Variants in TMEM117 observed in about 807,000 individuals in gnomAD.
The protein encoded by TMEM117 is transmembrane protein 117.
Under a neutral mutation model 52.4 loss-of-function variants are expected in TMEM117, and 27 were observed. The ratio of observed to expected loss-of-function variants is 0.51; its 90% CI spans 0.38 to 0.71. The LOEUF is 0.71. TMEM117 is among the 30% of genes least tolerant of loss of function. The probability of loss-of-function intolerance (pLI) is 0.00; values close to 1 mark genes in which losing one functional copy is unlikely to be tolerated. For synonymous variants in TMEM117, 215 were observed against 206.3 expected (o/e 1.04, Z -0.36); for missense variants, 556 against 630.5 (o/e 0.88, Z 1.26).
intron 2 of TMEM117, among the ~76,000 whole-genome samples, chr12:43,885,205 T>C (rs553045551): frequency 6.6e-6 from 1 of 152,232 alleles, no homozygotes; most frequent in South Asian, 2.1e-4. Context: ...CTGACCTCTT[T>C]TGGTGTGAAC....
At chr12:43,943,859 C>T (rs10880599) in intron 2 of TMEM117, among the ~76,000 whole-genome samples, 26,535 of 152,116 alleles carry the variant, frequency 0.17, 3,515 homozygotes, top group African/African-American at 0.36. Flanking sequence ...CTTTACTGTT[C>T]GCTATGAACC....
chr12:44,257,064 A>G (rs1950268096), intron 5 of TMEM117, among the ~76,000 whole-genome samples: 2 of 149,464 alleles, frequency 1.3e-5, no homozygotes, highest in Non-Finnish European at 3.0e-5. Flanking sequence ...TATCTATTGC[A>G]TACTAGATGT....
At chr12:44,381,185 A>G (rs1338266639) in intron 7 of TMEM117, among the ~76,000 whole-genome samples, 1 of 152,142 alleles carries the variant, frequency 6.6e-6, no homozygotes, top group East Asian at 1.9e-4. Context: ...GAGTGTTTTA[A>G]AATATATTTT....
At chr12:44,264,635 G>A (rs752246081) in intron 5 of TMEM117, among the ~76,000 whole-genome samples, 1 of 152,070 alleles carries the variant, frequency 6.6e-6, no homozygotes, top group Admixed American at 6.6e-5. Context: ...GATAGTGTAT[G>A]TATGTCAGAA....
At position 44,027,755 on chromosome 12, in the gene TMEM117, G is replaced by C. The variant is rs1236767032; in HGVS notation, c.410+83413G>C. On this transcript the variant is annotated intron_variant, in intron 3 of 7. Transcript: ENST00000266534. ...TTTAGAACTATCGTTTGATTGTTAG[G>C]ATACCTTACAAGTAGTATTAAATAA... Among the ~76,000 whole-genome samples, 2 of 152,170 alleles carry C rather than the reference G, an allele frequency of 1.3e-5. 1 individual carries two copies. The highest frequency in any genetic ancestry group is 3.9e-4 in the East Asian group (2 of 5,190).
the TMEM117 span, chr12:43,800,376 G>T: frequency 2.4e-6 from 3 of 1,261,142 alleles, no homozygotes; most frequent in South Asian, 3.8e-5. Flanking sequence ...CCATTACCTA[G>T]GAGTTCCTCT....
At chr12:43,804,494 C>A in the TMEM117 span, 1 of 1,570,772 alleles carries the variant, frequency 6.4e-7, no homozygotes, top group Admixed American at 1.7e-5. Flanking sequence ...ATTTAACTAA[C>A]CATTTTCAAT....
intron 3 of TMEM117, among the ~76,000 whole-genome samples, chr12:44,029,639 A>G (rs1199567619): frequency 1.3e-5 from 2 of 152,212 alleles, no homozygotes; most frequent in African/African-American, 4.8e-5. Flanking sequence ...AAACTGGTTG[A>G]AAGAATGGTA....
At chr12:43,928,328 A>C (rs1160383042) in intron 2 of TMEM117, among the ~76,000 whole-genome samples, 3 of 151,938 alleles carry the variant, frequency 2.0e-5, no homozygotes, top group Non-Finnish European at 4.4e-5. Flanking sequence ...GATTTGATAC[A>C]TTACTTACTA....
chr12:43,927,860 T>A (rs1315276419), intron 2 of TMEM117, among the ~76,000 whole-genome samples: 1 of 152,126 alleles, frequency 6.6e-6, no homozygotes. Flanking sequence ...TTCTATCTTC[T>A]ATCTAACAAT....
At chr12:43,950,535 A>G (rs1565765374) in intron 3 of TMEM117, among the ~76,000 whole-genome samples, 2 of 72,458 alleles carry the variant, frequency 2.8e-5, no homozygotes, top group Non-Finnish European at 6.8e-5. Flanking sequence ...GCTCTGAACT[A>G]TTTTTTTTTT....
intron 7 of TMEM117, among the ~76,000 whole-genome samples, chr12:44,378,101 C>T (rs1489044463): frequency 1.3e-5 from 2 of 152,098 alleles, no homozygotes; most frequent in East Asian, 3.9e-4. Flanking sequence ...TCATCATATC[C>T]CTTTGGGGGG....
chr12:44,020,578 GTATT>G (rs1946441102), intron 3 of TMEM117, among the ~76,000 whole-genome samples: 1 of 152,170 alleles, frequency 6.6e-6, no homozygotes, highest in African/African-American at 2.4e-5. Context: ...TTTTATGTGA[GTATT>G]TAAGCAAATA....
chr12:43,839,059 C>T (rs1485416895), intron 1 of TMEM117, among the ~76,000 whole-genome samples: 1 of 152,166 alleles, frequency 6.6e-6, no homozygotes, highest in African/African-American at 2.4e-5. Context: ...GCCTAGGTCA[C>T]ATCTACATCC....
chr12:44,255,722 G>T (rs547678113), intron 5 of TMEM117, among the ~76,000 whole-genome samples: 23 of 152,070 alleles, frequency 1.5e-4, no homozygotes, highest in African/African-American at 3.4e-4. Flanking sequence ...GAAAATACAG[G>T]AATAAAATAC....
At chr12:44,307,760 A>G (rs189769337) in intron 6 of TMEM117, among the ~76,000 whole-genome samples, 1 of 152,350 alleles carries the variant, frequency 6.6e-6, no homozygotes, top group Admixed American at 6.5e-5. Flanking sequence ...TTGTCCATAC[A>G]GAAGGAAGGA....
intron 5 of TMEM117, among the ~76,000 whole-genome samples, chr12:44,245,725 A>T (rs2138495596): frequency 6.6e-6 from 1 of 152,096 alleles, no homozygotes; most frequent in East Asian, 1.9e-4. Flanking sequence ...TTAGGGAGCA[A>T]CTAACAAAAT....
At chr12:43,916,896 C>T (rs1419517327) in intron 2 of TMEM117, among the ~76,000 whole-genome samples, 1 of 152,046 alleles carries the variant, frequency 6.6e-6, no homozygotes, top group Non-Finnish European at 1.5e-5. Flanking sequence ...GCCTAGACTC[C>T]CCTCTCTACT....
intron 3 of TMEM117, among the ~76,000 whole-genome samples, chr12:44,103,589 C>G (rs1476597336): frequency 6.6e-6 from 1 of 151,678 alleles, no homozygotes; most frequent in East Asian, 1.9e-4. Flanking sequence ...CTTCTCATTC[C>G]TTTTTAATGT....
Sources: gnomAD v4.1 joint callset for allele counts (sites outside exome capture counted in the v4.1 genomes callset) on GRCh38, gnomAD v4.1.1 for gene constraint, MANE v1.5 for transcripts, NCBI Gene and HGNC (gene_info 2026-07-23, HGNC 2026-07-21) for gene names.